The following WDR90 variants were observed in gnomAD, a reference collection of about 807,000 sequenced individuals.
The protein encoded by WDR90 is WD repeat domain 90.
A neutral mutation model predicts 195.2 loss-of-function variants in WDR90; 238 were observed. The ratio of observed to expected loss-of-function variants is 1.22; its 90% confidence interval spans 1.10 to 1.36. The LOEUF (loss-of-function observed/expected upper bound fraction) is 1.36, where lower values mean the gene tolerates loss of function less well. WDR90 is among the 40% of genes most tolerant of loss of function. WDR90 has a pLI of 0.00. For synonymous variants in WDR90, 1,265 were observed against 1,052.4 expected, an observed-to-expected ratio of 1.20 and a Z score of -3.91; for missense variants, 2,734 against 2,439.5, an observed-to-expected ratio of 1.12 and a Z score of -2.54.
At position 665,779 on chromosome 16, in the gene WDR90, T is replaced by C. The variant is rs1306815225; in HGVS notation, c.4412T>C (p.Ile1471Thr). Residue 1471 changes from isoleucine to threonine, a missense_variant, in exon 35 of 41, where the codon ATC (isoleucine) becomes ACC (threonine). Physicochemically the swap from Ile to Thr is moderately conservative, Grantham distance 89 (BLOSUM62 -1). Coordinates refer to ENST00000293879, the MANE Select transcript of WDR90 (RefSeq NM_145294.5). ...VWALASMELV[I>T]QFQVLNQSCL... ...GCCTTGGCCAGCATGGAGCTTGTGA[T>C]CCAGTTCCAGGTGCTGAACCAGGTG... is the stretch of plus-strand genomic sequence containing the variant. 2.5e-6 allele frequency: 4 copies of C among 1,579,394 alleles called. No homozygotes were observed. The African/African-American group carries it at 5.4e-5, about 21-fold the overall frequency.
At position 655,118 on chromosome 16, in the gene WDR90, C is replaced by T; in HGVS notation, c.1527C>T (p.Ala509=). The T allele has an allele frequency of 6.2e-7, 1 of 1,612,846 alleles. No homozygotes were observed. Among genetic ancestry groups the T allele is most frequent in the East Asian group, 2.2e-5 (1 of 44,872 alleles). Residue 509 remains alanine (A), a synonymous_variant, in exon 14 of 41, where the codon GCC becomes GCT. Transcript: ENST00000293879. ...AKAHTDFDVQ[A]FRVTFFDETR... ...CGCACACTGACTTTGACGTCCAGGC[C>T]TTCCGGGTCACCTTTTTTGATGAAA...
chr16:655,984 C>A, intron 17 of WDR90, 95 bp downstream of exon 17: 1 of 1,395,984 alleles, frequency 7.2e-7, no homozygotes, highest in Non-Finnish European at 9.7e-7. Context: ...CTGTCAGCCG[C>A]CCTGGCTCCT....
chr16:651,853 G>A lies in WDR90; in HGVS notation c.867G>A (p.Arg289=). Residue 289 remains arginine, a synonymous_variant, in exon 9 of 41, where the codon AGG becomes AGA. Coordinates refer to ENST00000293879, the MANE Select transcript of WDR90 (RefSeq NM_145294.5). ...CCGGCCGGGCCGCCTTGGCACCCAG[G>A]CCCTTCCCGGAGGTCAGCCTGTCCC... ...TASGRAALAP[R]PFPEVSLSQE... 8.1e-6 allele frequency: 13 copies of A among 1,610,302 alleles called. No homozygotes were observed. Among genetic ancestry groups the A allele is most frequent in the Non-Finnish European group, 1.0e-5 (12 of 1,179,830 alleles).
intron 9 of WDR90, 59 bp from the exon 10 acceptor site, chr16:652,408 C>A: frequency 1.3e-6 from 2 of 1,542,112 alleles, no homozygotes; most frequent in South Asian, 2.4e-5. Flanking sequence ...CGGAGTTGGT[C>A]GGGCATTCTG....
chr16:651,725 T>C lies in WDR90; in HGVS notation c.818T>C (p.Val273Ala), dbSNP rs2037650017. The C allele has an allele frequency of 1.2e-6, 2 of 1,613,034 alleles. No homozygotes were observed. Among genetic ancestry groups the C allele is most frequent in the Admixed American group, 1.7e-5 (1 of 60,014 alleles). Reference sequence around the variant, plus strand: ...GTGCGGTTCAGTGTGTCTCCAGTGGTCCAGACGCCCAGCCCCACAGCCGTG... The same window carrying C: ...GTGCGGTTCAGTGTGTCTCCAGTGGCCCAGACGCCCAGCCCCACAGCCGTG... ...KPVRFSVSPV[V>A]QTPSPTASGR... Residue 273 changes from valine to alanine, a missense_variant, in exon 8 of 41, where the codon GTC (valine) becomes GCC (alanine). Transcript: ENST00000293879.
intron 12 of WDR90, 29 bp from the exon 13 acceptor site, chr16:653,717 G>C (rs756965952): frequency 3.1e-6 from 5 of 1,613,220 alleles, no homozygotes; most frequent in Non-Finnish European, 4.2e-6. Flanking sequence ...CAGCCCAGGC[G>C]ACAATGACCA....
chr16:654,924 C>T (rs936854481), intron 13 of WDR90, 105 bp from the exon 14 acceptor site: 32 of 1,074,290 alleles, frequency 3.0e-5, no homozygotes, highest in Middle Eastern at 4.9e-4. Context: ...GGCTGGTCTC[C>T]GCATGAGAGA....
Position 652,498 on chromosome 16 carries a change from A to C in WDR90, c.1085A>C (p.Lys362Thr), listed in dbSNP as rs764768840. The C allele has an allele frequency of 6.2e-7, 1 of 1,610,362 alleles. No homozygotes were observed. ...GFLPDPVLRL[K>T]GVIGFGGHGT... ...CTCCCAGACCCAGTCCTGAGGCTCA[A>C]GGGCGTCATCGGCTTTGGGGGCCAC... Residue 362 changes from lysine (K) to threonine (T), a missense_variant, in exon 10 of 41, where the codon AAG becomes ACG. Lys to Thr is a moderately conservative substitution (Grantham distance 78). Transcript: ENST00000293879.
chr16:665,447 C>T (rs530759917), intron 34 of WDR90: 17 of 631,338 alleles, frequency 2.7e-5, no homozygotes, highest in Non-Finnish European at 4.1e-5. Flanking sequence ...CTCGGTATCC[C>T]GCCGGGTTTG....
At chr16:650,790 G>C in intron 5 of WDR90, 81 bp downstream of exon 5, 1 of 1,550,316 alleles carries the variant, frequency 6.5e-7, no homozygotes, top group Non-Finnish European at 8.8e-7. Context: ...AGGGTGCTTG[G>C]GAAAATACAG....
At position 656,485 on chromosome 16, in the gene WDR90, C is replaced by T; in HGVS notation, c.2150C>T (p.Thr717Ile). Residue 717 changes from threonine (T) to isoleucine (I), a missense_variant, in exon 18 of 41, where the codon ACC becomes ATC. Thr to Ile is a moderately conservative substitution (Grantham distance 89). Transcript: ENST00000293879. Reference protein sequence around the residue: ...AMEQRRGQLATVSQDRTVRIW... With the variant: ...AMEQRRGQLAIVSQDRTVRIW... The stretch of plus-strand genomic sequence containing the variant: ...GAGCAGAGGCGGGGACAGCTGGCCA[C>T]CGTGTCCCAGGACCGTACCGTCCGC... The T allele has an allele frequency of 6.3e-7, 1 of 1,583,108 alleles. No homozygotes were observed. Among genetic ancestry groups the T allele is most frequent in the Non-Finnish European group, 8.6e-7 (1 of 1,167,570 alleles).
At chr16:661,823 T>C (rs2037922799) in intron 31 of WDR90, 36 bp downstream of exon 31, 2 of 1,586,724 alleles carry the variant, frequency 1.3e-6, no homozygotes, top group Non-Finnish European at 1.7e-6. Flanking sequence ...CAGGGGTTGT[T>C]TTGTGGGGTG....
Position 658,552 on chromosome 16 carries a change from C to T in WDR90, c.2794C>T (p.Pro932Ser), listed in dbSNP as rs770590262. ...GCCCGGTGTCCACCCTGAGCCCTGC[C>T]CCTCCTTGACGCTCAGTGAGGACGC... ...ELPGVHPEPC[P>S]SLTLSEDARF... The change falls in exon 23 of 41, where the codon CCC (proline) becomes TCC (serine). Residue 932 changes from proline to serine, a missense_variant. By Grantham distance (74) the Pro-to-Ser change is moderately conservative. Coordinates refer to ENST00000293879, the MANE Select transcript of WDR90 (RefSeq NM_145294.5). 3.1e-6 allele frequency: 5 copies of T among 1,612,482 alleles called. No homozygotes were observed. The highest frequency in any genetic ancestry group is 2.7e-5 in the African/African-American group (2 of 74,944).
chr16:665,598 G>C (rs763086403), intron 34 of WDR90, 81 bp from the exon 35 acceptor site: 1 of 1,604,764 alleles, frequency 6.2e-7, no homozygotes, highest in Non-Finnish European at 8.5e-7. Flanking sequence ...GCCCGGCCCT[G>C]GGGGCTGGAA....
Position 665,721 on chromosome 16 carries a change from A to C in WDR90, c.4354A>C (p.Thr1452Pro). The change falls in exon 35 of 41, where the codon ACA becomes CCA. Residue 1452 changes from threonine (T) to proline (P), a missense_variant. Thr to Pro is a conservative substitution (Grantham distance 38, BLOSUM62 -1). Coordinates refer to ENST00000293879, the MANE Select transcript of WDR90 (RefSeq NM_145294.5). ...CAGCCCCGGGGAGTCCCACTGCGCCACATGCAGTGAGGATGGGAGTGTGCG... is the reference window on the plus strand; with the variant it reads ...CAGCCCCGGGGAGTCCCACTGCGCCCCATGCAGTGAGGATGGGAGTGTGCG... ...VFSPGESHCA[T>P]CSEDGSVRVW... The C allele has an allele frequency of 6.2e-7, 1 of 1,612,548 alleles. No homozygotes were observed. Among genetic ancestry groups the C allele is most frequent in the Non-Finnish European group, 8.5e-7 (1 of 1,179,842 alleles).
intron 36 of WDR90, 47 bp downstream of exon 36, chr16:666,171 A>C (rs2038027985): frequency 6.2e-7 from 1 of 1,605,818 alleles, no homozygotes; most frequent in Admixed American, 1.7e-5. Context: ...GACCTGGCCC[A>C]GGTCCAGTCT....
rs762991343 is a variant in WDR90, at chr16:665,659, C to G, written c.4312-20C>G. 21 of 1,612,396 alleles carry G rather than the reference C, an allele frequency of 1.3e-5. No individual in the cohort carries two copies. The highest frequency in any genetic ancestry group is 1.8e-5 in the Non-Finnish European group (21 of 1,179,888). On this transcript the variant is annotated intron_variant, in intron 34 of 40. Transcript: ENST00000293879. ...CTGCCCAGGGGCCAACACCCCCAGCCTAGCTACGGCTTCCCCCAGGTGAAC... is the reference window on the plus strand; with the variant it reads ...CTGCCCAGGGGCCAACACCCCCAGCGTAGCTACGGCTTCCCCCAGGTGAAC...
At position 661,151 on chromosome 16, in the gene WDR90, G is replaced by A. The variant is rs375371014; in HGVS notation, c.3492G>A (p.Leu1164=). Residue 1164 remains leucine, a synonymous_variant, in exon 29 of 41, where the codon CTG becomes CTA. Transcript: ENST00000293879. ...GCCACTCTGCGGAGATCTCCACGCT[G>A]GCCCTCAGCCACAGTGCCCAGGTGC... ...WSGHSAEIST[L]ALSHSAQVLA... is the part of the protein sequence containing the mutation. 104 of 1,555,526 alleles carry A rather than the reference G, an allele frequency of 6.7e-5. No individual in the cohort carries two copies. Among genetic ancestry groups the A allele is most frequent in the Non-Finnish European group, 8.6e-5 (100 of 1,157,004 alleles).
At chr16:663,308 T>A (rs557024292) in intron 34 of WDR90, 1 of 334,582 alleles carries the variant, frequency 3.0e-6, no homozygotes, top group Admixed American at 4.5e-5. Flanking sequence ...CCTCTTGATG[T>A]ATACCTGTAA....
Sources: allele counts gnomAD v4.1 joint callset, GRCh38; gene constraint gnomAD v4.1.1; transcripts MANE v1.5; gene names NCBI Gene and HGNC (gene_info 2026-07-23, HGNC 2026-07-21).